Variants in SLC1A4 observed in about 807,000 individuals in gnomAD.
The protein encoded by SLC1A4 is neutral amino acid transporter A.
A neutral mutation model predicts 37.7 loss-of-function variants in SLC1A4; 19 were observed. That is an observed-to-expected ratio of 0.50 (90% CI 0.35 to 0.74). SLC1A4 has a LOEUF of 0.74. SLC1A4 is among the 30% of genes least tolerant of loss of function. SLC1A4 has a pLI of 0.01. For synonymous variants in SLC1A4, 299 were observed against 309.8 expected (o/e 0.97, Z 0.37); for missense variants, 570 against 712.9 (o/e 0.80, Z 2.28).
chr2:65,010,888 AC>A, intron 4 of SLC1A4, 125 bp downstream of exon 4: 2 of 938,022 alleles, frequency 2.1e-6, no homozygotes, highest in Non-Finnish European at 3.2e-6. Flanking sequence ...TGGTTGATGC[AC>A]CATGAGCCAG....
intron 7 of SLC1A4, 97 bp from the exon 8 acceptor site, chr2:65,020,815 C>T: frequency 2.1e-6 from 2 of 961,820 alleles, no homozygotes; most frequent in Non-Finnish European, 1.7e-6. Context: ...AACAGGGCCC[C>T]TCACAATCAT....
intron 7 of SLC1A4, 122 bp from the exon 8 acceptor site, chr2:65,020,790 T>C: frequency 5.5e-6 from 4 of 733,684 alleles, no homozygotes; most frequent in South Asian, 1.6e-5. Flanking sequence ...CTTAGAAGCA[T>C]GCTCTCCAGG....
chr2:65,001,297 G>C, intron 1 of SLC1A4, 151 bp from the exon 2 acceptor site: 1 of 666,892 alleles, frequency 1.5e-6, no homozygotes, highest in Non-Finnish European at 2.6e-6. Context: ...AACACTTTGG[G>C]AGGCTGAGGC....
chr2:64,995,473 T>C (rs897304250), intron 1 of SLC1A4, among the ~76,000 whole-genome samples: 3 of 152,122 alleles, frequency 2.0e-5, no homozygotes, highest in East Asian at 1.9e-4. Flanking sequence ...AGATCCCCAC[T>C]CCAGGGGTTC....
chr2:65,009,757 A>T (rs1452031670), intron 3 of SLC1A4, among the ~76,000 whole-genome samples: 1 of 152,208 alleles, frequency 6.6e-6, no homozygotes. Context: ...AGAATACAGT[A>T]TGTCTATGCA....
rs774486978 is a variant in SLC1A4 at position 65,016,555 on chromosome 2, G to A, written c.916G>A (p.Val306Ile). Residue 306 changes from valine to isoleucine, a missense_variant, in exon 5 of 8, where the codon GTT becomes ATT. Val to Ile is a conservative substitution (Grantham distance 29). Coordinates refer to ENST00000234256, the MANE Select transcript of SLC1A4 (RefSeq NM_003038.5). ...KYIFASILGHVIHGGIVLPLI... is the reference protein window; with the variant it reads ...KYIFASILGHIIHGGIVLPLI... The stretch of plus-strand genomic sequence containing the variant: ...CATCTTCGCATCTATATTGGGCCAT[G>A]TTATTCATGGAGGAATTGTTCTGCC... 1 of 1,614,062 alleles carries A rather than the reference G, an allele frequency of 6.2e-7. No individual in the cohort carries two copies. The highest frequency in any genetic ancestry group is 8.5e-7 in the Non-Finnish European group (1 of 1,180,028).
In SLC1A4 at chr2:65,010,740, G is replaced by A; in HGVS notation, c.777G>A (p.Met259Ile). 6.2e-7 allele frequency: 1 copy of A among 1,613,714 alleles called. No individual in the cohort carries two copies. Among genetic ancestry groups the A allele is most frequent in the Non-Finnish European group, 8.5e-7 (1 of 1,179,816 alleles). ...TCAATTCCCTCAACGAGGCGACGAT[G>A]GTGCTGGTGTCCTGGATTATGTGGT... is the stretch of plus-strand genomic sequence containing the variant. ...RFFNSLNEAT[M>I]VLVSWIMWYV... The change falls in exon 4 of 8, where the codon ATG becomes ATA. Residue 259 changes from methionine (M) to isoleucine (I), a missense_variant. Coordinates refer to ENST00000234256, the MANE Select transcript of SLC1A4 (RefSeq NM_003038.5).
chr2:64,991,563 G>A (rs1673055006), intron 1 of SLC1A4, among the ~76,000 whole-genome samples: 1 of 150,810 alleles, frequency 6.6e-6, no homozygotes, highest in African/African-American at 2.5e-5. Flanking sequence ...GAGTAGCTGA[G>A]ATTACAGGTG....
chr2:65,000,168 GA>G (rs1194706995), intron 1 of SLC1A4: 1 of 152,198 alleles, frequency 6.6e-6, no homozygotes, highest in Non-Finnish European at 1.5e-5. Context: ...CTTCTTGCAG[GA>G]AGTGAGAACA....
At chr2:64,998,927 T>C (rs1673366053) in intron 1 of SLC1A4, among the ~76,000 whole-genome samples, 1 of 152,110 alleles carries the variant, frequency 6.6e-6, no homozygotes, top group African/African-American at 2.4e-5. Context: ...CCGGTCCTCA[T>C]GGAAAGAGAA....
intron 1 of SLC1A4, among the ~76,000 whole-genome samples, chr2:64,996,752 C>G (rs1673268995): frequency 6.6e-6 from 1 of 152,196 alleles, no homozygotes. Context: ...GGGAGATGCT[C>G]AGTGACTGGG....
In SLC1A4 at chr2:65,010,910, G is replaced by T. The variant is rs1017285197; in HGVS notation, c.800+147G>T. ...TGCACCATGAGCCAGGCTTGGTACA[G>T]GGGATGATGGAAGTGGAGACAGTTT... On this transcript the variant is annotated intron_variant, in intron 4 of 7. Transcript: ENST00000234256. The T allele has an allele frequency of 9.0e-6, 7 of 780,802 alleles. No individual in the cohort carries two copies. In the African/African-American group the frequency reaches 1.2e-4, roughly 14 times the overall value. 48.4% of individuals were successfully genotyped at this position (780,802 alleles called of 1,614,324 possible).
chr2:64,997,966 G>T (rs894983788), intron 1 of SLC1A4, among the ~76,000 whole-genome samples: 1 of 152,132 alleles, frequency 6.6e-6, no homozygotes, highest in Non-Finnish European at 1.5e-5. Flanking sequence ...AGGCGCAGTG[G>T]CTCACGCCTG....
chr2:65,013,161 G>A (rs1389185256), intron 4 of SLC1A4, among the ~76,000 whole-genome samples: 1 of 152,176 alleles, frequency 6.6e-6, no homozygotes, highest in East Asian at 1.9e-4. Context: ...TGAGATTTGG[G>A]TGAGGACATA....
In SLC1A4 at chr2:65,018,720, T is replaced by C. The variant is rs1204115356; in HGVS notation, c.1364+41T>C. ...TGAGAACACCAAAAAGAGTCTGCAC[T>C]GAGTTCCCTAGGAGCTTAGCACTGC... is the stretch of plus-strand genomic sequence containing the variant. On this transcript the variant is annotated intron_variant, in intron 7 of 7. Coordinates refer to ENST00000234256, the MANE Select transcript of SLC1A4 (RefSeq NM_003038.5). The surrounding 1 kb of genome is among the most constrained non-coding windows in gnomAD (Gnocchi z 4.3). 1.2e-6 allele frequency: 2 copies of C among 1,610,556 alleles called. No homozygotes were observed. The highest frequency in any genetic ancestry group is 2.7e-5 in the African/African-American group (2 of 74,870).
At position 65,018,150 on chromosome 2, in the gene SLC1A4, C is replaced by A. The variant is rs137933968; in HGVS notation, c.1114C>A (p.Pro372Thr). The A allele has an allele frequency of 1.2e-6, 2 of 1,614,060 alleles. No individual in the cohort carries two copies. Among genetic ancestry groups the A allele is most frequent in the African/African-American group, 2.7e-5 (2 of 74,920 alleles). The change falls in exon 6 of 8, where the codon CCC becomes ACC. Residue 372 changes from proline (P) to threonine (T), a missense_variant. Physicochemically the swap from Pro to Thr is conservative, Grantham distance 38 (BLOSUM62 -1). Transcript: ENST00000234256. The surrounding 1 kb of genome is among the most constrained non-coding windows in gnomAD (Gnocchi z 4.3). ...VDKRISRFILPIGATVNMDGA... is the reference protein window; with the variant it reads ...VDKRISRFILTIGATVNMDGA... ...CAAGAGGATCAGCAGGTTTATTCTCCCCATCGGGGCCACCGTGAACATGGA... is the reference window on the plus strand; with the variant it reads ...CAAGAGGATCAGCAGGTTTATTCTCACCATCGGGGCCACCGTGAACATGGA...
At chr2:64,996,331 G>C (rs372954294) in intron 1 of SLC1A4, among the ~76,000 whole-genome samples, 1 of 152,126 alleles carries the variant, frequency 6.6e-6, no homozygotes, top group East Asian at 1.9e-4. Flanking sequence ...TGATTTAATG[G>C]TCTACTGATA....
intron 1 of SLC1A4, among the ~76,000 whole-genome samples, chr2:64,998,079 AAAAC>A (rs1467829116): frequency 6.6e-6 from 1 of 152,074 alleles, no homozygotes; most frequent in Non-Finnish European, 1.5e-5. Context: ...TAAAAATACA[AAAAC>A]AAAATTAGCC....
intron 1 of SLC1A4, chr2:64,994,750 T>C (rs1465202149): frequency 1.3e-5 from 2 of 150,278 alleles, no homozygotes; most frequent in Non-Finnish European, 3.0e-5. Context: ...CCCCCTGTGC[T>C]TGCCTTGGCA....
Sources: allele counts gnomAD v4.1 joint callset (sites outside exome capture counted in the v4.1 genomes callset), GRCh38; gene constraint gnomAD v4.1.1; non-coding constraint Gnocchi (gnomAD v3.1); transcripts MANE v1.5; gene names NCBI Gene and HGNC (gene_info 2026-07-23, HGNC 2026-07-21).